The following ZNF860 variants were observed in gnomAD, a reference collection of about 807,000 sequenced individuals.
ZNF860 encodes zinc finger protein 860.
For synonymous variants in ZNF860, 206 were observed against 248.9 expected, an observed-to-expected ratio of 0.83 and a Z score of 1.62; for missense variants, 641 against 759.2, an observed-to-expected ratio of 0.84 and a Z score of 1.83.
At chr3:32,004,540 C>G in the ZNF860 span, among the ~76,000 whole-genome samples, 1 of 152,208 alleles carries the variant, frequency 6.6e-6, no homozygotes, top group Non-Finnish European at 1.5e-5. Flanking sequence ...AAGATATCGG[C>G]TGGAGAACTA....
the ZNF860 span, among the ~76,000 whole-genome samples, chr3:32,000,764 C>G: frequency 2.0e-5 from 3 of 152,180 alleles, no homozygotes; most frequent in Non-Finnish European, 4.4e-5. Context: ...ATTCTGCCTT[C>G]TCTGCTCAGC....
At chr3:31,992,413 T>C (rs1699043779), downstream of ZNF860, among the ~76,000 whole-genome samples, 1 of 152,066 alleles carries the variant, frequency 6.6e-6, no homozygotes, top group African/African-American at 2.4e-5. Context: ...AAAATGGGTC[T>C]TACATGGTAA....
chr3:31,987,504 C>G (rs2125517130), intron 1 of ZNF860, among the ~76,000 whole-genome samples: 1 of 152,318 alleles, frequency 6.6e-6, no homozygotes, highest in Non-Finnish European at 1.5e-5. Flanking sequence ...TCATGTACTA[C>G]AGAATTAACC....
At chr3:31,998,422 C>A in the ZNF860 span, among the ~76,000 whole-genome samples, 1 of 152,078 alleles carries the variant, frequency 6.6e-6, no homozygotes, top group Non-Finnish European at 1.5e-5. Flanking sequence ...AATTATTGGT[C>A]AGAATTTGAG....
At chr3:31,994,480 CAG>C (rs1375174673), downstream of ZNF860, among the ~76,000 whole-genome samples, 1 of 149,520 alleles carries the variant, frequency 6.7e-6, no homozygotes, top group Non-Finnish European at 1.5e-5. Flanking sequence ...TTCCCTATGT[CAG>C]GGAAAAAAAG....
In ZNF860 at chr3:31,981,925, T is replaced by A. The variant is rs6550092; in HGVS notation, c.-421+23T>A. The A allele has an allele frequency of 0.13, 19,814 of 152,190 alleles. 3,613 individuals are homozygous for A. The highest frequency in any genetic ancestry group is 0.41 in the African/African-American group (16,894 of 41,474). 9.4% of individuals were successfully genotyped at this position (152,190 alleles called of 1,614,324 possible). ...CAGGTAAGCTCGCCGGGCATTTTCA[T>A]GCAGCAGGATTATGATAAATGCTTA... On this transcript the variant is annotated intron_variant, in intron 1 of 1. Transcript: ENST00000360311. This position sits in a 1 kb window ranked among gnomAD's most constrained non-coding sequence, Gnocchi z 4.5.
At chr3:31,996,361 C>G (rs1004709298), downstream of ZNF860, among the ~76,000 whole-genome samples, 1 of 152,156 alleles carries the variant, frequency 6.6e-6, no homozygotes, top group Non-Finnish European at 1.5e-5. Flanking sequence ...ACTCTCCCCC[C>G]CGTGCAAGGG....
Position 31,990,122 on chromosome 3 carries a change from A to C in ZNF860, c.1043A>C (p.Glu348Ala). ...GEKPYKCKVC[E>A]KAFRRDSHLT... ...AAACCATACAAATGTAAGGTTTGTG[A>C]AAAGGCTTTCAGGCGTGATTCACAC... The change falls in exon 2 of 2, where the codon GAA (glutamate) becomes GCA (alanine). Residue 348 changes from glutamate to alanine, a missense_variant. Glu to Ala is a moderately radical substitution (Grantham distance 107). Transcript: ENST00000360311. The C allele has an allele frequency of 6.2e-7, 1 of 1,611,590 alleles. No individual in the cohort carries two copies. The highest frequency in any genetic ancestry group is 8.5e-7 in the Non-Finnish European group (1 of 1,178,546).
downstream of ZNF860, among the ~76,000 whole-genome samples, chr3:31,992,857 CT>C (rs1699049026): frequency 6.6e-6 from 1 of 152,096 alleles, no homozygotes; most frequent in South Asian, 2.1e-4. Context: ...AAAATATTAG[CT>C]GGGTGTGGAT....
the ZNF860 span, among the ~76,000 whole-genome samples, chr3:32,005,334 C>A: frequency 1.3e-5 from 2 of 152,064 alleles, no homozygotes; most frequent in Non-Finnish European, 2.9e-5. Context: ...GTATCTATTC[C>A]ATAGTATTAT....
chr3:31,986,619 A>G (rs1698937533), intron 1 of ZNF860, among the ~76,000 whole-genome samples: 1 of 152,172 alleles, frequency 6.6e-6, no homozygotes, highest in South Asian at 2.1e-4. Flanking sequence ...TTTATACGAA[A>G]AAATACAAAT....
chr3:31,989,161 G>T lies in ZNF860; in HGVS notation c.82G>T (p.Asp28Tyr). Residue 28 changes from aspartate (D) to tyrosine (Y), a missense_variant, in exon 2 of 2, where the codon GAT (aspartate) becomes TAT (tyrosine). Coordinates refer to ENST00000360311, the MANE Select transcript of ZNF860 (RefSeq NM_001137674.3). ...TCCTCAGGGACACTTGACTTTTAGG[G>T]ATGTGGCTATAGAATTCTCTTTGGA... ...ALPQGHLTFR[D>Y]VAIEFSLEEW... is the part of the protein sequence containing the mutation. The T allele has an allele frequency of 6.2e-7, 1 of 1,614,174 alleles. No individual in the cohort carries two copies. The highest frequency in any genetic ancestry group is 8.5e-7 in the Non-Finnish European group (1 of 1,180,030).
the ZNF860 span, among the ~76,000 whole-genome samples, chr3:31,997,872 C>T: frequency 9.1e-3 from 1,390 of 152,232 alleles, 24 homozygotes; most frequent in African/African-American, 0.031. Flanking sequence ...ATGGCAGCCT[C>T]GACATCCTGG....
chr3:32,006,069 C>CA, the ZNF860 span, among the ~76,000 whole-genome samples: 1 of 151,994 alleles, frequency 6.6e-6, no homozygotes. Flanking sequence ...CTCAGCCTCC[C>CA]AAGTAGCTGC....
At chr3:32,005,017 G>T in the ZNF860 span, among the ~76,000 whole-genome samples, 1 of 152,088 alleles carries the variant, frequency 6.6e-6, no homozygotes, top group Non-Finnish European at 1.5e-5. Context: ...TACAGAAGTG[G>T]TATCACACCG....
chr3:31,993,168 T>C (rs554934932), downstream of ZNF860, among the ~76,000 whole-genome samples: 869 of 53,408 alleles, frequency 0.016, 8 homozygotes, highest in African/African-American at 0.08. Flanking sequence ...GAAAACCTTA[T>C]TTTATTTTAT....
chr3:32,001,958 T>C, the ZNF860 span, among the ~76,000 whole-genome samples: 1 of 152,188 alleles, frequency 6.6e-6, no homozygotes, highest in Admixed American at 6.5e-5. Context: ...CATCTTCATT[T>C]TGAGATGAGG....
the ZNF860 span, among the ~76,000 whole-genome samples, chr3:32,003,717 G>C: frequency 6.6e-6 from 1 of 152,172 alleles, no homozygotes; most frequent in Non-Finnish European, 1.5e-5. Context: ...AGGTGGACCT[G>C]GGCATCGGAG....
chr3:32,000,615 G>A, the ZNF860 span, among the ~76,000 whole-genome samples: 1 of 152,228 alleles, frequency 6.6e-6, no homozygotes, highest in African/African-American at 2.4e-5. Flanking sequence ...GCTGTTCTCA[G>A]CACGGTTTGT....
Sources: gnomAD v4.1 joint callset for allele counts (sites outside exome capture counted in the v4.1 genomes callset) on GRCh38, gnomAD v4.1.1 for gene constraint, Gnocchi (gnomAD v3.1) non-coding constraint, MANE v1.5 for transcripts, NCBI Gene and HGNC (gene_info 2026-07-23, HGNC 2026-07-21) for gene names.